DDX27: variants seen among roughly 807,000 people sequenced by gnomAD.
The protein encoded by DDX27 is DEAD-box helicase 27.
A neutral mutation model predicts 99.3 loss-of-function variants in DDX27; 42 were observed. The ratio of observed to expected loss-of-function variants is 0.42; its 90% CI spans 0.33 to 0.55. The LOEUF (loss-of-function observed/expected upper bound fraction) is 0.55. Among genes scored for constraint, DDX27 ranks in the 20% least tolerant of loss-of-function variants. DDX27 has a pLI of 0.07. For synonymous variants in DDX27, 329 were observed against 353.8 expected, an observed-to-expected ratio of 0.93 and a Z score of 0.79; for missense variants, 798 against 976.8, an observed-to-expected ratio of 0.82 and a Z score of 2.44.
In DDX27 at chr20:49,238,969, G is replaced by C. The variant is rs140291237; in HGVS notation, c.1708G>C (p.Asp570His). 7.4e-5 allele frequency: 119 copies of C among 1,613,718 alleles called. No individual in the cohort carries two copies. The highest frequency in any genetic ancestry group is 2.5e-5 in the Non-Finnish European group (30 of 1,179,880). Residue 570 changes from aspartate (D) to histidine (H), a missense_variant, in exon 15 of 21, where the codon GAC becomes CAC. Physicochemically the swap from Asp to His is moderately conservative, Grantham distance 81 (BLOSUM62 -1). Transcript: ENST00000618172. ...TTGAGATGTCATCCTCAAATTCCGG[G>C]ACAAGATTGAGAAAATGGAGAAAGA... ...LPQDVILKFR[D>H]KIEKMEKDVY...
chr20:49,238,166 A>T (rs911101445), intron 14 of DDX27: 1 of 151,786 alleles, frequency 6.6e-6, no homozygotes. Flanking sequence ...CTACAGGTGC[A>T]TGCCACCACG....
intron 19 of DDX27, among the ~76,000 whole-genome samples, chr20:49,243,287 A>G (rs557114066): frequency 6.6e-6 from 1 of 152,220 alleles, no homozygotes; most frequent in South Asian, 2.1e-4. Flanking sequence ...CTTTCATCTC[A>G]AGTTCCATCC....
At chr20:49,239,212 G>A (rs766094743) in intron 15 of DDX27, 24 bp from the exon 16 acceptor site, 1 of 1,609,554 alleles carries the variant, frequency 6.2e-7, no homozygotes, top group South Asian at 1.1e-5. Flanking sequence ...TTTCACGGCA[G>A]GCATCCTTTT....
At chr20:49,239,153 G>A in intron 15 of DDX27, 83 bp from the exon 16 acceptor site, 1 of 1,531,462 alleles carries the variant, frequency 6.5e-7, no homozygotes. Context: ...TCTCCCATCA[G>A]AGCCCCAGGC....
intron 7 of DDX27, among the ~76,000 whole-genome samples, chr20:49,227,523 C>T (rs187484108): frequency 1.4e-3 from 210 of 151,864 alleles, no homozygotes; most frequent in Non-Finnish European, 2.4e-3. Context: ...CCCGCCACCA[C>T]ACCCGGCTGA....
Position 49,224,932 on chromosome 20 carries a change from T to G in DDX27, c.467-13T>G. ...GTCTGAGCCGTGGTCATCAGCTAAG[T>G]TTTTCTCCATAGATACACTCAAAGT... On this transcript the variant is annotated splice_polypyrimidine_tract_variant and intron_variant, in intron 4 of 20. Transcript: ENST00000618172. 2 of 1,614,002 alleles carry G rather than the reference T, an allele frequency of 1.2e-6. No individual in the cohort carries two copies. The highest frequency in any genetic ancestry group is 1.7e-6 in the Non-Finnish European group (2 of 1,179,998).
intron 8 of DDX27, among the ~76,000 whole-genome samples, chr20:49,229,105 TTG>T (rs1980008271): frequency 6.6e-6 from 1 of 150,972 alleles, no homozygotes; most frequent in African/African-American, 2.4e-5. Context: ...TGGCGCAATC[TTG>T]GCTCACTGCA....
At position 49,223,660 on chromosome 20, in the gene DDX27, C is replaced by T. The variant is rs371120484; in HGVS notation, c.466+227C>T. Among the ~76,000 whole-genome samples, 19 of 150,336 alleles carry T rather than the reference C, an allele frequency of 1.3e-4. 1 individual carries two copies. Among genetic ancestry groups the T allele is most frequent in the East Asian group, 1.2e-3 (6 of 5,122 alleles). ...CTTTGGGAGGCTGAGGTGGGTGTAT[C>T]GCTTGAAGCCAGGAGTTTGAGACCA... On this transcript the variant is annotated intron_variant, in intron 4 of 20. Transcript: ENST00000618172.
At chr20:49,234,448 G>A (rs1040118068) in intron 11 of DDX27, 1 of 151,616 alleles carries the variant, frequency 6.6e-6, no homozygotes, top group African/African-American at 2.5e-5. Context: ...ATTTTTAGTA[G>A]AGATGGGGTT....
At chr20:49,222,928 CT>C (rs1568971011) in intron 2 of DDX27, 28 bp from the exon 3 acceptor site, 6 of 1,563,212 alleles carry the variant, frequency 3.8e-6, no homozygotes, top group Non-Finnish European at 3.5e-6. Flanking sequence ...ATGAAAATTT[CT>C]TTTTCACCTC....
intron 14 of DDX27, among the ~76,000 whole-genome samples, chr20:49,237,446 A>G (rs1980342907): frequency 6.6e-6 from 1 of 152,164 alleles, no homozygotes; most frequent in Admixed American, 6.6e-5. Context: ...TTTTCAAACC[A>G]TTTTTCCTTT....
At chr20:49,231,132 T>A (rs1980096123) in intron 9 of DDX27, 1 of 152,538 alleles carries the variant, frequency 6.6e-6, no homozygotes, top group Admixed American at 6.5e-5. Context: ...GTTCCAGTTG[T>A]TATCTTGTTA....
intron 6 of DDX27, among the ~76,000 whole-genome samples, chr20:49,225,453 CT>C (rs772387461): frequency 3.9e-4 from 42 of 107,296 alleles, no homozygotes; most frequent in East Asian, 5.4e-4. Flanking sequence ...AGAGAACTCC[CT>C]TTTTTTTTTT....
At position 49,242,686 on chromosome 20, in the gene DDX27, G is replaced by T; in HGVS notation, c.2204+5G>T. The stretch of plus-strand genomic sequence containing the variant: ...CCTGAAACAGTATCGAGCTGGGTAG[G>T]ATTTTAAGTCATCATGGAGCCCTTG... On this transcript the variant is annotated splice_donor_5th_base_variant and intron_variant, in intron 19 of 20. Coordinates refer to ENST00000618172, the MANE Select transcript of DDX27 (RefSeq NM_017895.8). The T allele has an allele frequency of 1.2e-6, 2 of 1,603,502 alleles. No homozygotes were observed. Among genetic ancestry groups the T allele is most frequent in the Non-Finnish European group, 8.5e-7 (1 of 1,172,512 alleles).
intron 14 of DDX27, 161 bp from the exon 15 acceptor site, chr20:49,238,788 T>TG: frequency 3.9e-6 from 1 of 253,408 alleles, no homozygotes; most frequent in Non-Finnish European, 7.1e-6. Context: ...TTTTTTTTTT[T>TG]TTGTAGAGAC....
At chr20:49,220,036 G>A (rs1009053236) in intron 1 of DDX27, among the ~76,000 whole-genome samples, 1 of 152,108 alleles carries the variant, frequency 6.6e-6, no homozygotes, top group Non-Finnish European at 1.5e-5. Context: ...AAGCAGTATG[G>A]CAATTAAAGA....
chr20:49,224,708 C>A, intron 4 of DDX27: 1 of 557,446 alleles, frequency 1.8e-6, no homozygotes, highest in Non-Finnish European at 3.2e-6. Context: ...CATCATAATA[C>A]AGTGTAGTGG....
At chr20:49,243,393 C>A (rs1980545556) in intron 19 of DDX27, among the ~76,000 whole-genome samples, 1 of 152,190 alleles carries the variant, frequency 6.6e-6, no homozygotes, top group Non-Finnish European at 1.5e-5. Flanking sequence ...GACTAAGCTT[C>A]CCAAGTAGTG....
intron 16 of DDX27, among the ~76,000 whole-genome samples, chr20:49,241,284 A>G (rs1252220317): frequency 6.6e-6 from 1 of 152,198 alleles, no homozygotes; most frequent in Non-Finnish European, 1.5e-5. Context: ...AAGGGTGTAT[A>G]TAACTTAAAT....
Sources: allele counts gnomAD v4.1 joint callset (sites outside exome capture counted in the v4.1 genomes callset), GRCh38; gene constraint gnomAD v4.1.1; transcripts MANE v1.5; gene names NCBI Gene and HGNC (gene_info 2026-07-23, HGNC 2026-07-21).